Variants in RGS6 observed in about 807,000 individuals in gnomAD.
RGS6 encodes the protein regulator of G-protein signaling 6.
RGS6 carries 30 observed loss-of-function variants against 78.5 expected under a neutral mutation model. The observed-to-expected ratio is 0.38, with a 90% CI of 0.29 to 0.52. The LOEUF is 0.52. RGS6 is among the 20% of genes least tolerant of loss of function. The probability of loss-of-function intolerance (pLI) is 0.85; values close to 1 mark genes in which losing one functional copy is unlikely to be tolerated. For synonymous variants in RGS6, 206 were observed against 206.0 expected (o/e 1.00, Z 0.00); for missense variants, 495 against 609.7 (o/e 0.81, Z 1.98).
At chr14:72,499,249 T>C (rs2096686404) in intron 13 of RGS6, among the ~76,000 whole-genome samples, 1 of 152,236 alleles carries the variant, frequency 6.6e-6, no homozygotes, top group Non-Finnish European at 1.5e-5. Flanking sequence ...GTTCCCAAGA[T>C]GTTTTTTCTC....
At chr14:72,415,012 G>A (rs1220661324) in intron 3 of RGS6, among the ~76,000 whole-genome samples, 1 of 152,206 alleles carries the variant, frequency 6.6e-6, no homozygotes. Flanking sequence ...GGACCCACTT[G>A]AGGAGGCAGT....
At chr14:72,248,102 T>C (rs990532581) in intron 2 of RGS6, among the ~76,000 whole-genome samples, 1 of 152,190 alleles carries the variant, frequency 6.6e-6, no homozygotes, top group South Asian at 2.1e-4. Context: ...CAAAATATGA[T>C]CCAGGGACTC....
intron 2 of RGS6, among the ~76,000 whole-genome samples, chr14:72,095,797 A>G (rs1269423133): frequency 6.6e-6 from 1 of 152,254 alleles, no homozygotes; most frequent in East Asian, 1.9e-4. Context: ...ACCGTATTTC[A>G]ATGTCATGCA....
intron 2 of RGS6, among the ~76,000 whole-genome samples, chr14:72,299,072 T>A (rs1004209783): frequency 1.3e-5 from 2 of 152,236 alleles, no homozygotes; most frequent in African/African-American, 2.4e-5. Flanking sequence ...ATAAATTTGT[T>A]CATACAATTT....
intron 3 of RGS6, among the ~76,000 whole-genome samples, chr14:72,435,386 C>A (rs1414135337): frequency 6.6e-6 from 1 of 152,160 alleles, no homozygotes; most frequent in Non-Finnish European, 1.5e-5. Flanking sequence ...CCTGCTTTGG[C>A]TGAGCACCTT....
chr14:71,986,079 C>CTA (rs752834112), intron 2 of RGS6, among the ~76,000 whole-genome samples: 6 of 152,136 alleles, frequency 3.9e-5, no homozygotes, highest in Admixed American at 1.3e-4. Context: ...GCAGGCTTTG[C>CTA]TATAAATAAG....
At chr14:72,451,756 T>C (rs907408414) in intron 3 of RGS6, among the ~76,000 whole-genome samples, 1 of 151,262 alleles carries the variant, frequency 6.6e-6, no homozygotes, top group Non-Finnish European at 1.5e-5. Flanking sequence ...AAAGAACTAT[T>C]TTTTTTTTCT....
intron 2 of RGS6, among the ~76,000 whole-genome samples, chr14:71,972,999 A>G (rs1313398864): frequency 6.6e-6 from 1 of 152,188 alleles, no homozygotes; most frequent in Non-Finnish European, 1.5e-5. Context: ...GAGAGAGCCC[A>G]AGACAGAGTC....
At chr14:72,134,374 A>C (rs1180167499) in intron 2 of RGS6, among the ~76,000 whole-genome samples, 8 of 152,154 alleles carry the variant, frequency 5.3e-5, no homozygotes, top group African/African-American at 1.9e-4. Flanking sequence ...CTTTCTTCTA[A>C]AGTCTGCACA....
intron 2 of RGS6, among the ~76,000 whole-genome samples, chr14:72,153,898 G>A (rs769766765): frequency 5.3e-5 from 8 of 152,096 alleles, no homozygotes; most frequent in African/African-American, 9.7e-5. Context: ...AACAGAGTTC[G>A]AGAGCAGAGA....
intron 3 of RGS6, among the ~76,000 whole-genome samples, chr14:72,409,759 T>C (rs1193365069): frequency 1.3e-5 from 2 of 152,092 alleles, no homozygotes; most frequent in Non-Finnish European, 2.9e-5. Context: ...TTCCCCTTCC[T>C]GTGTCCATGT....
chr14:71,979,267 T>G lies in RGS6; in HGVS notation c.84+14392T>G, dbSNP rs369271467. Reference sequence around the variant, plus strand: ...GTTTTTTGTGTCTCTATTTCCTTCATTTCTGCTCTGATTTTAGTTATTTCT... The same window carrying G: ...GTTTTTTGTGTCTCTATTTCCTTCAGTTCTGCTCTGATTTTAGTTATTTCT... On this transcript the variant is annotated intron_variant, in intron 2 of 17. Transcript: ENST00000553525. Among the ~76,000 whole-genome samples, 283 of 149,598 alleles carry G rather than the reference T, an allele frequency of 1.9e-3. 3 individuals are homozygous for G. In the East Asian group the frequency reaches 0.054, roughly 29 times the overall value.
chr14:72,407,298 T>C (rs2093017627), intron 3 of RGS6, among the ~76,000 whole-genome samples: 1 of 152,232 alleles, frequency 6.6e-6, no homozygotes, highest in Non-Finnish European at 1.5e-5. Context: ...ATCATAGTCT[T>C]TGCTTGTAGG....
chr14:72,505,324 T>C (rs2096785573), intron 13 of RGS6, among the ~76,000 whole-genome samples: 1 of 152,180 alleles, frequency 6.6e-6, no homozygotes, highest in South Asian at 2.1e-4. Flanking sequence ...AAATTCAATA[T>C]CTGGTAAGGA....
chr14:72,219,367 C>T (rs992074568), intron 2 of RGS6, among the ~76,000 whole-genome samples: 7 of 152,126 alleles, frequency 4.6e-5, no homozygotes, highest in Non-Finnish European at 8.8e-5. Context: ...ATATTCCCAC[C>T]AGCAAAGTGT....
At chr14:71,917,531 A>G in the RGS6 span, among the ~76,000 whole-genome samples, 1 of 152,130 alleles carries the variant, frequency 6.6e-6, no homozygotes, top group African/African-American at 2.4e-5. Context: ...TGGTTTGTCT[A>G]CCCGCGACCT....
intron 2 of RGS6, among the ~76,000 whole-genome samples, chr14:72,167,704 C>T (rs1035667973): frequency 5.9e-5 from 9 of 152,184 alleles, no homozygotes; most frequent in African/African-American, 2.2e-4. Context: ...AGAACACTTA[C>T]TCCAAAAATT....
chr14:72,486,329 T>G (rs189465811), intron 12 of RGS6, among the ~76,000 whole-genome samples: 1 of 152,308 alleles, frequency 6.6e-6, no homozygotes, highest in African/African-American at 2.4e-5. Context: ...GGAAAGAAGA[T>G]ATGAACCTCA....
At chr14:72,101,211 G>C (rs2153525076) in intron 2 of RGS6, among the ~76,000 whole-genome samples, 1 of 152,250 alleles carries the variant, frequency 6.6e-6, no homozygotes, top group East Asian at 1.9e-4. Context: ...TGTGTCCACA[G>C]ATATTCTAAT....
Sources: allele counts gnomAD v4.1 joint callset (sites outside exome capture counted in the v4.1 genomes callset), GRCh38; gene constraint gnomAD v4.1.1; transcripts MANE v1.5; gene names NCBI Gene and HGNC (gene_info 2026-07-23, HGNC 2026-07-21).